The following GRID2 variants were observed in gnomAD, a reference collection of about 807,000 sequenced individuals.
GRID2 encodes the protein glutamate receptor ionotropic, delta-2.
A neutral mutation model predicts 114.8 loss-of-function variants in GRID2; 33 were observed. The ratio of observed to expected loss-of-function variants is 0.29; its 90% CI spans 0.22 to 0.38. GRID2 has a LOEUF of 0.38. Ranked by LOEUF, GRID2 falls within the 10% of genes least tolerant of loss-of-function variation. The probability of loss-of-function intolerance (pLI) is 1.00; values close to 1 mark genes in which losing one functional copy is unlikely to be tolerated. For synonymous variants in GRID2, 505 were observed against 449.9 expected (o/e 1.12, Z -1.55); for missense variants, 1,184 against 1,257.7 (o/e 0.94, Z 0.89).
intron 2 of GRID2, among the ~76,000 whole-genome samples, chr4:93,042,659 C>T (rs1332092400): frequency 7.0e-6 from 1 of 143,062 alleles, no homozygotes; most frequent in East Asian, 2.1e-4. Flanking sequence ...CTCTATATTT[C>T]TATCTCTCTC....
intron 8 of GRID2, among the ~76,000 whole-genome samples, chr4:93,293,993 G>A (rs539235958): frequency 1.3e-5 from 2 of 152,334 alleles, no homozygotes; most frequent in Non-Finnish European, 2.9e-5. Context: ...GTGGGGAGAA[G>A]TAAAGCAGGG....
intron 1 of GRID2, among the ~76,000 whole-genome samples, chr4:92,381,353 G>A (rs774850485): frequency 2.0e-5 from 3 of 151,960 alleles, no homozygotes; most frequent in Non-Finnish European, 4.4e-5. Context: ...TACTTTACAT[G>A]TGGGGAAAAG....
At chr4:93,524,416 AAAG>A (rs1730630117) in intron 13 of GRID2, among the ~76,000 whole-genome samples, 1 of 152,146 alleles carries the variant, frequency 6.6e-6, no homozygotes, top group Non-Finnish European at 1.5e-5. Context: ...TCACACAAAG[AAAG>A]AAGAGAACTG....
chr4:93,577,293 G>A (rs1332726409), intron 13 of GRID2, among the ~76,000 whole-genome samples: 1 of 152,110 alleles, frequency 6.6e-6, no homozygotes, highest in East Asian at 1.9e-4. Flanking sequence ...TGGGCATCAG[G>A]GAGTTGTCAT....
chr4:93,459,788 A>G (rs1438450829), intron 11 of GRID2, among the ~76,000 whole-genome samples: 3 of 152,158 alleles, frequency 2.0e-5, no homozygotes, highest in East Asian at 1.9e-4. Flanking sequence ...CAAAAATGTA[A>G]TTCATTTTAG....
In GRID2 at chr4:93,011,877, C is replaced by T. The variant is rs576689577; in HGVS notation, c.245-73118C>T. On this transcript the variant is annotated intron_variant, in intron 2 of 15. Coordinates refer to ENST00000282020, the MANE Select transcript of GRID2 (RefSeq NM_001510.4). ...TCACTAGCTTGTTTTGTCATTTAAG[C>T]TTCCTAAATCGGATCTGCTTCTAGC... is the stretch of plus-strand genomic sequence containing the variant. 2.6e-4 allele frequency among the ~76,000 whole-genome samples: 40 copies of T among 152,096 alleles called. No homozygotes were observed. The East Asian group carries it at 7.6e-3, about 29-fold the overall frequency.
At chr4:93,240,472 T>C (rs749014792) in intron 8 of GRID2, among the ~76,000 whole-genome samples, 1 of 151,472 alleles carries the variant, frequency 6.6e-6, no homozygotes, top group Non-Finnish European at 1.5e-5. Flanking sequence ...TGTCTTTTGC[T>C]TTTTATAATT....
intron 9 of GRID2, among the ~76,000 whole-genome samples, chr4:93,397,976 G>GTT (rs1355363981): frequency 6.6e-6 from 1 of 151,340 alleles, no homozygotes; most frequent in Non-Finnish European, 1.5e-5. Flanking sequence ...GATATGGAGT[G>GTT]TTAACTGTAC....
At chr4:93,395,990 T>A (rs1336947819) in intron 9 of GRID2, among the ~76,000 whole-genome samples, 1 of 152,006 alleles carries the variant, frequency 6.6e-6, no homozygotes, top group African/African-American at 2.4e-5. Flanking sequence ...AGTAAAGGTA[T>A]GTCTCAGGCC....
intron 1 of GRID2, among the ~76,000 whole-genome samples, chr4:92,482,033 T>TATATATATAA (rs1491363224): frequency 5.4e-5 from 3 of 55,970 alleles, no homozygotes; most frequent in African/African-American, 7.5e-5. Flanking sequence ...TATATATATA[T>TATATATATAA]AAAATAACAA....
At chr4:93,808,795 T>C (rs1197766746) in exon 2 of GRID2, 1 of 152,132 alleles carries the variant, frequency 6.6e-6, no homozygotes, top group Non-Finnish European at 1.5e-5. Flanking sequence ...TCATCTGGGT[T>C]CTTTCTGGCT....
intron 7 of GRID2, among the ~76,000 whole-genome samples, chr4:93,234,557 A>G (rs1267332547): frequency 6.6e-6 from 1 of 151,866 alleles, no homozygotes; most frequent in Non-Finnish European, 1.5e-5. Context: ...ATGCAAATAT[A>G]TGTATATATA....
intron 2 of GRID2, among the ~76,000 whole-genome samples, chr4:93,043,103 A>G (rs1482408448): frequency 6.6e-6 from 1 of 152,162 alleles, no homozygotes; most frequent in Non-Finnish European, 1.5e-5. Context: ...CTGTTAATGA[A>G]TAAGATTAAC....
At chr4:92,520,991 A>G (rs1023414828) in intron 1 of GRID2, among the ~76,000 whole-genome samples, 1 of 151,950 alleles carries the variant, frequency 6.6e-6, no homozygotes, top group African/African-American at 2.4e-5. Flanking sequence ...CATAACAGTT[A>G]TTGAGTTATG....
At chr4:93,553,221 G>T (rs893353836) in intron 13 of GRID2, among the ~76,000 whole-genome samples, 2 of 152,120 alleles carry the variant, frequency 1.3e-5, no homozygotes, top group African/African-American at 4.8e-5. Context: ...GTGGACAGTG[G>T]TTGAACGAAT....
At chr4:92,307,744 G>T (rs143894026) in intron 1 of GRID2, among the ~76,000 whole-genome samples, 2 of 152,026 alleles carry the variant, frequency 1.3e-5, no homozygotes, top group East Asian at 1.9e-4. Context: ...TAATCATTAC[G>T]TATATTTTTA....
At chr4:92,437,103 T>G (rs1381648914) in intron 1 of GRID2, among the ~76,000 whole-genome samples, 1 of 152,232 alleles carries the variant, frequency 6.6e-6, no homozygotes, top group Non-Finnish European at 1.5e-5. Context: ...TTGACTAAGA[T>G]GTTCGTATTT....
chr4:93,045,302 C>T (rs1004440125), intron 2 of GRID2, among the ~76,000 whole-genome samples: 2 of 152,146 alleles, frequency 1.3e-5, no homozygotes, highest in South Asian at 4.1e-4. Flanking sequence ...TCTCTTTTTG[C>T]TCCTAATACT....
rs532081437 is a variant in GRID2, at chr4:93,045,282, T to G, written c.245-39713T>G. 1.1e-3 allele frequency among the ~76,000 whole-genome samples: 164 copies of G among 152,288 alleles called. 4 individuals carry two copies. In the South Asian group the frequency reaches 0.033, roughly 31 times the overall value. On this transcript the variant is annotated intron_variant, in intron 2 of 15. Transcript: ENST00000282020. The stretch of plus-strand genomic sequence containing the variant: ...TGGTCTATGTTCCCTCTTTATCTTT[T>G]GTCTTCATCTCTCTTTTTGCTCCTA...
Sources: allele counts gnomAD v4.1 joint callset (sites outside exome capture counted in the v4.1 genomes callset), GRCh38; gene constraint gnomAD v4.1.1; transcripts MANE v1.5; gene names NCBI Gene and HGNC (gene_info 2026-07-23, HGNC 2026-07-21).